ZZEF1: variants seen among roughly 807,000 people sequenced by gnomAD.
ZZEF1 encodes the protein zinc finger ZZ-type and EF-hand domain containing 1.
ZZEF1 carries 157 observed loss-of-function variants against 342.8 expected under a neutral mutation model. The observed-to-expected ratio is 0.46, with a 90% CI of 0.40 to 0.52. The LOEUF is 0.52. Ranked by LOEUF, ZZEF1 falls within the 20% of genes least tolerant of loss-of-function variation. The pLI, the probability that ZZEF1 is intolerant of heterozygous loss-of-function variation, is 0.00. For synonymous variants in ZZEF1, 1,505 were observed against 1,429.1 expected, an observed-to-expected ratio of 1.05 and a Z score of -1.20; for missense variants, 3,480 against 3,725.6, an observed-to-expected ratio of 0.93 and a Z score of 1.72.
In ZZEF1 at chr17:4,086,374, C is replaced by CA. The variant is rs1418167113; in HGVS notation, c.2512+111_2512+112insT. ...ATCCCTTTCTGGGGGATTCCCACAG[C>CA]GGCAATCCCTTTCTGGCTCGCATCA... On this transcript the variant is annotated intron_variant, in intron 15 of 54. Coordinates refer to ENST00000381638, the MANE Select transcript of ZZEF1 (RefSeq NM_015113.4). 21 of 464,942 alleles carry CA rather than the reference C, an allele frequency of 4.5e-5. No homozygotes were observed. The African/African-American group carries it at 9.1e-4, about 20-fold the overall frequency. The allele number at this position is 464,942 out of a possible 1,614,324, so 28.8% of individuals were successfully genotyped here. A position where few individuals can be genotyped will look rare whatever the true frequency, so the allele number is the denominator to read the frequency against.
Position 4,057,974 on chromosome 17 carries a change from G to A in ZZEF1, c.5165+20C>T, listed in dbSNP as rs375109388. 15 of 1,612,424 alleles carry A rather than the reference G, an allele frequency of 9.3e-6. No homozygotes were observed. Among genetic ancestry groups the A allele is most frequent in the Non-Finnish European group, 1.3e-5 (15 of 1,178,958 alleles). ...CATAACCTACATTAGGAACTGCAGA[G>A]CGCAGGACCGTGCTCTTACCTGATC... On this transcript the variant is annotated intron_variant, in intron 32 of 54. Coordinates refer to ENST00000381638, the MANE Select transcript of ZZEF1 (RefSeq NM_015113.4).
intron 9 of ZZEF1, among the ~76,000 whole-genome samples, chr17:4,101,483 A>G (rs1049737079): frequency 2.6e-5 from 4 of 152,308 alleles, no homozygotes; most frequent in East Asian, 1.9e-4. Context: ...GAGACTCACA[A>G]ACACCTTATC....
At chr17:4,071,015 A>G (rs2057498703) in intron 25 of ZZEF1, 91 bp from the exon 26 acceptor site, 1 of 1,452,806 alleles carries the variant, frequency 6.9e-7, no homozygotes, top group African/African-American at 1.4e-5. Context: ...GCAGAAGTAT[A>G]AAACACAGTG....
chr17:4,139,378 C>T (rs189174658), intron 1 of ZZEF1, among the ~76,000 whole-genome samples: 6 of 152,304 alleles, frequency 3.9e-5, no homozygotes, highest in Admixed American at 6.5e-5. Flanking sequence ...CATGCGCACC[C>T]GTGGCTATCT....
intron 1 of ZZEF1, among the ~76,000 whole-genome samples, chr17:4,130,224 C>T (rs969258489): frequency 6.6e-6 from 1 of 152,142 alleles, no homozygotes; most frequent in Non-Finnish European, 1.5e-5. Flanking sequence ...GAAGCTGAGG[C>T]AGGCAGATCA....
intron 24 of ZZEF1, among the ~76,000 whole-genome samples, chr17:4,073,120 A>G (rs1264808689): frequency 6.6e-6 from 1 of 152,256 alleles, no homozygotes; most frequent in African/African-American, 2.4e-5. Flanking sequence ...TTAATTCTGT[A>G]GCAAATAATA....
At chr17:4,007,081 C>G in intron 54 of ZZEF1, 111 bp from the exon 55 acceptor site, 1 of 957,546 alleles carries the variant, frequency 1.0e-6, no homozygotes, top group Non-Finnish European at 1.5e-6. Flanking sequence ...AGGAGGGGAA[C>G]CAGATGTGTT....
chr17:4,022,555 T>C lies in ZZEF1; in HGVS notation c.7212+154A>G. On this transcript the variant is annotated intron_variant, in intron 44 of 54. Transcript: ENST00000381638. ...GGTAGACAGGTGTCATAATCCCTAT[T>C]TCCAACAGGGAATACAGAAGCAAGG... The C allele has an allele frequency of 2.9e-6, 3 of 1,039,796 alleles. No homozygotes were observed. The East Asian group carries it at 7.3e-5, about 25-fold the overall frequency. The allele number at this position is 1,039,796 out of a possible 1,614,324, so 64.4% of individuals were successfully genotyped here.
At position 4,129,321 on chromosome 17, in the gene ZZEF1, G is replaced by A. The variant is rs79498187; in HGVS notation, c.355-5270C>T. Among the ~76,000 whole-genome samples the A allele has an allele frequency of 4.9e-3, 747 of 152,212 alleles. 5 individuals are homozygous for A. The highest frequency in any genetic ancestry group is 0.017 in the African/African-American group (717 of 41,522). On this transcript the variant is annotated intron_variant, in intron 1 of 54. Coordinates refer to ENST00000381638, the MANE Select transcript of ZZEF1 (RefSeq NM_015113.4). ...CGATCACTGTGGAAAGCAATGTGGCGATTCCTCAAAAAGCTAAAAACAGAA... is the reference window on the plus strand; with the variant it reads ...CGATCACTGTGGAAAGCAATGTGGCAATTCCTCAAAAAGCTAAAAACAGAA...
intron 41 of ZZEF1, 104 bp from the exon 42 acceptor site, chr17:4,032,362 C>G: frequency 8.2e-7 from 1 of 1,220,950 alleles, no homozygotes; most frequent in Non-Finnish European, 1.1e-6. Context: ...CTGATTTCAA[C>G]AAGCACGCAA....
Position 4,112,033 on chromosome 17 carries a change from AATATATATATAT to A in ZZEF1, c.1066+564_1066+575del, listed in dbSNP as rs57925351. 4.5e-3 allele frequency among the ~76,000 whole-genome samples: 243 copies of A among 54,254 alleles called. 3 individuals are homozygous for A. The highest frequency in any genetic ancestry group is 6.9e-3 in the Non-Finnish European group (174 of 25,236). 35.6% of individuals were successfully genotyped at this position (54,254 alleles called of 152,430 possible). Reference sequence around the variant, plus strand: ...GGGTGACAAAAAGAGATCCTGTCTAAATATATATATATATATATATATATATATATATATATA... The same window carrying A: ...GGGTGACAAAAAGAGATCCTGTCTAAATATATATATATATATATATATATA... On this transcript the variant is annotated intron_variant, in intron 5 of 54. Coordinates refer to ENST00000381638, the MANE Select transcript of ZZEF1 (RefSeq NM_015113.4).
chr17:4,075,453 G>T (rs566575309), intron 21 of ZZEF1, 24 bp from the exon 22 acceptor site: 1 of 1,610,514 alleles, frequency 6.2e-7, no homozygotes, highest in South Asian at 1.1e-5. Context: ...TGAGCCAGGG[G>T]AAAGAAAGGT....
In ZZEF1 at chr17:4,025,133, C is replaced by G; in HGVS notation, c.6893-15G>C. 2 of 1,613,328 alleles carry G rather than the reference C, an allele frequency of 1.2e-6. No individual in the cohort carries two copies. On this transcript the variant is annotated splice_polypyrimidine_tract_variant and intron_variant, in intron 42 of 54. Transcript: ENST00000381638. Reference sequence around the variant, plus strand: ...GTAGTCCTTCACTGAAGGGTGACATCAGGCAGAAAAAGAAAGGCACAAAAG... The same window carrying G: ...GTAGTCCTTCACTGAAGGGTGACATGAGGCAGAAAAAGAAAGGCACAAAAG...
At position 4,061,903 on chromosome 17, in the gene ZZEF1, C is replaced by T. The variant is rs571989812; in HGVS notation, c.4883+850G>A. Reference sequence around the variant, plus strand: ...TGCTTTTCTTATTTCCACCTCTTTTCACACAGCAGCCAGGGGCACCTCTTA... The same window carrying T: ...TGCTTTTCTTATTTCCACCTCTTTTTACACAGCAGCCAGGGGCACCTCTTA... On this transcript the variant is annotated intron_variant, in intron 30 of 54. Coordinates refer to ENST00000381638, the MANE Select transcript of ZZEF1 (RefSeq NM_015113.4). Among the ~76,000 whole-genome samples, 6 of 152,298 alleles carry T rather than the reference C, an allele frequency of 3.9e-5. No homozygotes were observed. The South Asian group carries it at 1.2e-3, about 32-fold the overall frequency.
chr17:4,051,061 A>G lies in ZZEF1; in HGVS notation c.5601-18T>C, dbSNP rs775850777. On this transcript the variant is annotated intron_variant, in intron 35 of 54. Coordinates refer to ENST00000381638, the MANE Select transcript of ZZEF1 (RefSeq NM_015113.4). ...GCAAATGGCTGCAAAGGCAAGACACATTTAAAGCTTACAACCCTCCAAAAG... is the reference window on the plus strand; with the variant it reads ...GCAAATGGCTGCAAAGGCAAGACACGTTTAAAGCTTACAACCCTCCAAAAG... 2 of 1,614,034 alleles carry G rather than the reference A, an allele frequency of 1.2e-6. No individual in the cohort carries two copies. Among genetic ancestry groups the G allele is most frequent in the Non-Finnish European group, 1.7e-6 (2 of 1,180,044 alleles).
chr17:4,077,719 C>T (rs1419265311), intron 19 of ZZEF1, among the ~76,000 whole-genome samples, 164 bp downstream of exon 19: 1 of 152,152 alleles, frequency 6.6e-6, no homozygotes. Context: ...GACAAAAAGA[C>T]ATGCTGTTGA....
intron 39 of ZZEF1, among the ~76,000 whole-genome samples, chr17:4,035,171 G>A (rs1355831948): frequency 1.3e-5 from 2 of 151,910 alleles, no homozygotes; most frequent in Non-Finnish European, 2.9e-5. Context: ...TCAGCTAAAC[G>A]GCCTGGTACA....
intron 45 of ZZEF1, among the ~76,000 whole-genome samples, chr17:4,020,199 A>C (rs887391310): frequency 9.9e-5 from 15 of 152,168 alleles, no homozygotes; most frequent in Non-Finnish European, 2.2e-4. Context: ...GTGTGATCAT[A>C]GCTCATACCA....
Position 4,044,301 on chromosome 17 carries a change from G to A in ZZEF1, c.6089C>T (p.Ser2030Leu). 1.2e-6 allele frequency: 2 copies of A among 1,614,112 alleles called. No individual in the cohort carries two copies. The highest frequency in any genetic ancestry group is 1.7e-6 in the Non-Finnish European group (2 of 1,179,986). Residue 2030 changes from serine to leucine, a missense_variant, in exon 38 of 55, where the codon TCA (serine) becomes TTA (leucine). This residue lies in a region of ZZEF1 where 1,269 missense variants were observed against 1,342.4 expected (regional missense o/e 0.95). Transcript: ENST00000381638. ...KQRNKADKGV[S>L]LSKDPSCQTQ... is the part of the protein sequence containing the mutation. Reference sequence around the variant, plus strand: ...CTGGCATGAAGGATCCTTCGATAATGATACACCTTTATCTGCCTTATTTCT... The same window carrying A: ...CTGGCATGAAGGATCCTTCGATAATAATACACCTTTATCTGCCTTATTTCT...
Sources: allele counts gnomAD v4.1 joint callset (sites outside exome capture counted in the v4.1 genomes callset), GRCh38; gene constraint gnomAD v4.1.1; regional missense constraint gnomAD v4.1.1; transcripts MANE v1.5; gene names NCBI Gene and HGNC (gene_info 2026-07-23, HGNC 2026-07-21).